GATAD1: variants seen among roughly 807,000 people sequenced by gnomAD.
GATAD1 encodes GATA zinc finger domain-containing protein 1.
In GATAD1, 12 loss-of-function variants were observed where a neutral mutation model predicts 26.5. The observed-to-expected ratio is 0.45, with a 90% CI of 0.29 to 0.73. The LOEUF (loss-of-function observed/expected upper bound fraction) is 0.73. Ranked by LOEUF, GATAD1 falls within the 30% of genes least tolerant of loss-of-function variation. The pLI, the probability that GATAD1 is intolerant of heterozygous loss-of-function variation, is 0.10. For missense variants in GATAD1, 266 were observed against 342.1 expected, an observed-to-expected ratio of 0.78 and a Z score of 1.75; for synonymous variants, 129 against 133.1, an observed-to-expected ratio of 0.97 and a Z score of 0.21.
the GATAD1 span, among the ~76,000 whole-genome samples, chr7:92,485,232 G>A: frequency 6.6e-6 from 1 of 152,312 alleles, no homozygotes; most frequent in East Asian, 1.9e-4. Context: ...ATACGTGCAG[G>A]TCACAGGGGA....
chr7:92,450,601 T>C, intron 2 of GATAD1, 100 bp from the exon 3 acceptor site: 1 of 715,168 alleles, frequency 1.4e-6, no homozygotes, highest in Non-Finnish European at 2.5e-6. Context: ...AAACAATACA[T>C]TTTAGTACTT....
At chr7:92,449,165 G>T in intron 2 of GATAD1, 1 of 1,081,286 alleles carries the variant, frequency 9.2e-7, no homozygotes, top group South Asian at 3.6e-5. Context: ...ATTTTTTGGG[G>T]TTCTCTATGG....
At chr7:92,469,953 A>G in the GATAD1 span, 1 of 777,772 alleles carries the variant, frequency 1.3e-6, no homozygotes, top group Non-Finnish European at 2.4e-6. Flanking sequence ...TGTAGGGGCT[A>G]GAGGTGCCAT....
rs1789789359 is a variant in GATAD1 at position 92,458,644 on chromosome 7, A to G, written c.*2082A>G. The G allele has an allele frequency of 6.6e-6, 1 of 152,180 alleles. No homozygotes were observed. Among genetic ancestry groups the G allele is most frequent in the South Asian group, 2.1e-4 (1 of 4,834 alleles). 9.4% of individuals were successfully genotyped at this position (152,180 alleles called of 1,614,324 possible). A position where few individuals can be genotyped will look rare whatever the true frequency, so the allele number is the denominator to read the frequency against. The stretch of plus-strand genomic sequence containing the variant: ...ATCTAAGTTGATTGTAATGATTTTG[A>G]GCTGCAGCAGCTTTAACTCTTACCC... On this transcript the variant is annotated 3_prime_UTR_variant, in exon 5 of 5. Transcript: ENST00000287957.
downstream of GATAD1, among the ~76,000 whole-genome samples, chr7:92,462,802 T>G (rs1361354805): frequency 6.6e-6 from 1 of 152,214 alleles, no homozygotes; most frequent in Non-Finnish European, 1.5e-5. Context: ...CTCCTCACTA[T>G]GTAAGAAGAC....
the GATAD1 span, among the ~76,000 whole-genome samples, chr7:92,485,039 CG>C: frequency 8.5e-6 from 1 of 117,366 alleles, no homozygotes; most frequent in African/African-American, 3.3e-5. Context: ...GGGGCAGGGG[CG>C]GGGGTCACAA....
the GATAD1 span, among the ~76,000 whole-genome samples, chr7:92,486,355 G>GAACTT: frequency 2.0e-5 from 3 of 152,164 alleles, no homozygotes; most frequent in African/African-American, 7.2e-5. Flanking sequence ...CACCCTTCAT[G>GAACTT]AACTTACTAA....
the GATAD1 span, chr7:92,491,448 TAAGA>T: frequency 1.2e-6 from 2 of 1,613,798 alleles, no homozygotes; most frequent in Non-Finnish European, 1.7e-6. Flanking sequence ...CTGCTATGGT[TAAGA>T]AAGACCATTG....
chr7:92,474,030 T>G, the GATAD1 span, among the ~76,000 whole-genome samples: 3 of 152,128 alleles, frequency 2.0e-5, no homozygotes, highest in Non-Finnish European at 4.4e-5. Flanking sequence ...TTTTTTAAAG[T>G]GTCCTTGTAG....
the GATAD1 span, among the ~76,000 whole-genome samples, chr7:92,481,877 C>T: frequency 6.6e-5 from 10 of 152,070 alleles, no homozygotes; most frequent in Admixed American, 2.6e-4. Flanking sequence ...CAGTTGGAGA[C>T]GCAATTGGCA....
chr7:92,493,213 T>C, the GATAD1 span: 349 of 794,594 alleles, frequency 4.4e-4, 1 homozygote, highest in African/African-American at 5.1e-3. Context: ...ATTTTCTTCA[T>C]AAATTAACCT....
chr7:92,484,124 G>T, the GATAD1 span, among the ~76,000 whole-genome samples: 3 of 152,160 alleles, frequency 2.0e-5, no homozygotes, highest in Non-Finnish European at 2.9e-5. Flanking sequence ...GAAATTGAAA[G>T]TGCCATATTC....
chr7:92,449,540 T>C, intron 2 of GATAD1: 1 of 973,170 alleles, frequency 1.0e-6, no homozygotes, highest in Non-Finnish European at 1.2e-6. Context: ...TTTTTAAGTC[T>C]CAGTATGATA....
chr7:92,452,299 A>G (rs191515365), intron 3 of GATAD1, among the ~76,000 whole-genome samples: 190 of 152,370 alleles, frequency 1.2e-3, no homozygotes, highest in African/African-American at 4.3e-3. Flanking sequence ...GATAAGGACA[A>G]TAATGCAACA....
chr7:92,458,677 A>G lies in GATAD1; in HGVS notation c.*2115A>G, dbSNP rs1209030523. On this transcript the variant is annotated 3_prime_UTR_variant, in exon 5 of 5. Transcript: ENST00000287957. ...CAGCTTTAACTCTTACCCTTTTTCC[A>G]CATAGTTATGGTGTTTGAGTTGGAA... is the stretch of plus-strand genomic sequence containing the variant. 1.3e-5 allele frequency: 2 copies of G among 152,172 alleles called. No homozygotes were observed. Among genetic ancestry groups the G allele is most frequent in the East Asian group, 3.8e-4 (2 of 5,200 alleles). 9.4% of individuals were successfully genotyped at this position (152,172 alleles called of 1,614,324 possible).
At chr7:92,466,332 A>G in the GATAD1 span, among the ~76,000 whole-genome samples, 6 of 150,760 alleles carry the variant, frequency 4.0e-5, no homozygotes, top group Admixed American at 1.3e-4. Flanking sequence ...ATGCCCAGCT[A>G]TTTTTTTTTA....
chr7:92,460,782 A>C (rs1158119357), downstream of GATAD1, among the ~76,000 whole-genome samples: 2 of 139,296 alleles, frequency 1.4e-5, no homozygotes, highest in Non-Finnish European at 3.2e-5. Flanking sequence ...CTCTCAAAAA[A>C]AAAAAAAAAA....
chr7:92,484,531 G>A, the GATAD1 span, among the ~76,000 whole-genome samples: 245 of 152,304 alleles, frequency 1.6e-3, 1 homozygote, highest in African/African-American at 4.0e-3. Flanking sequence ...TCCCAAGTCC[G>A]TGACTGGTGC....
chr7:92,494,899 G>C, the GATAD1 span, among the ~76,000 whole-genome samples: 1 of 151,840 alleles, frequency 6.6e-6, no homozygotes, highest in African/African-American at 2.4e-5. Flanking sequence ...CTTGTATTCA[G>C]TAAACTGTTG....
Sources: gnomAD v4.1 joint callset for allele counts (sites outside exome capture counted in the v4.1 genomes callset) on GRCh38, gnomAD v4.1.1 for gene constraint, MANE v1.5 for transcripts, NCBI Gene and HGNC (gene_info 2026-07-23, HGNC 2026-07-21) for gene names.